MUS81: variants seen among roughly 807,000 people sequenced by gnomAD.
The protein encoded by MUS81 is MUS81 structure-specific endonuclease subunit.
Under a neutral mutation model 74.2 loss-of-function variants are expected in MUS81, and 69 were observed. The ratio of observed to expected loss-of-function variants is 0.93; its 90% CI spans 0.77 to 1.14. The LOEUF is 1.14. MUS81 is among the 50% of genes most tolerant of loss of function. The pLI, the probability that MUS81 is intolerant of heterozygous loss-of-function variation, is 0.00. For synonymous variants in MUS81, 303 were observed against 300.6 expected, an observed-to-expected ratio of 1.01 and a Z score of -0.08; for missense variants, 711 against 726.5, an observed-to-expected ratio of 0.98 and a Z score of 0.25.
At chr11:65,867,188 T>C (rs530742402), downstream of MUS81, 4 of 1,383,944 alleles carry the variant, frequency 2.9e-6, no homozygotes, top group Non-Finnish European at 4.0e-6. Context: ...GGAACAGCCC[T>C]GGCCAGGCTG....
Position 65,861,644 on chromosome 11 carries a change from TA to T in MUS81, c.351+211del, listed in dbSNP as rs1040590285. 9 of 606,660 alleles carry T rather than the reference TA, an allele frequency of 1.5e-5. No homozygotes were observed. In the African/African-American group the frequency reaches 1.7e-4, roughly 11 times the overall value. The allele number at this position is 606,660 out of a possible 1,614,324, so 37.6% of individuals were successfully genotyped here. A position where few individuals can be genotyped will look rare whatever the true frequency, so the allele number is the denominator to read the frequency against. On this transcript the variant is annotated intron_variant, in intron 3 of 15. Transcript: ENST00000308110. ...GAGAGAATTCCATGATCAAGCTACT[TA>T]AGGATCCCAGCTCAGTTAGTTACGG... is the stretch of plus-strand genomic sequence containing the variant.
In MUS81 at chr11:65,860,620, G is replaced by A. The variant is rs879082926; in HGVS notation, c.-134G>A. On this transcript the variant is annotated 5_prime_UTR_variant, in exon 1 of 16. Coordinates refer to ENST00000308110, the MANE Select transcript of MUS81 (RefSeq NM_025128.5). ...GTGCCCCCTGTGTTTGGGGCCCCGT[G>A]ATCTCAACGGTCCTGCCCTCGGTCT... 1.5e-6 allele frequency: 2 copies of A among 1,294,748 alleles called. No individual in the cohort carries two copies. The highest frequency in any genetic ancestry group is 1.1e-6 in the Non-Finnish European group (1 of 936,842). The allele number at this position is 1,294,748 out of a possible 1,614,324, so 80.2% of individuals were successfully genotyped here.
chr11:65,862,633 G>GT lies in MUS81; in HGVS notation c.605+104_605+105insT, dbSNP rs901843328. 1.7e-5 allele frequency: 19 copies of GT among 1,108,728 alleles called. No homozygotes were observed. The Admixed American group carries it at 3.5e-4, about 20-fold the overall frequency. 68.7% of individuals were successfully genotyped at this position (1,108,728 alleles called of 1,614,324 possible). A position where few individuals can be genotyped will look rare whatever the true frequency, so the allele number is the denominator to read the frequency against. On this transcript the variant is annotated intron_variant, in intron 6 of 15. Transcript: ENST00000308110. ...GAGCTGATGCTGTTGAGATTGGGGG[G>GT]GGTGGGCCTTTCCTCAGGAGCCCCC...
In MUS81 at chr11:65,862,055, G is replaced by A. The variant is rs369925196; in HGVS notation, c.450+10G>A. 3.7e-6 allele frequency: 6 copies of A among 1,604,500 alleles called. No individual in the cohort carries two copies. The African/African-American group carries it at 6.7e-5, about 18-fold the overall frequency. Reference sequence around the variant, plus strand: ...CTACCGGGAGCACCTGGTGAGCACTGGGCTACACCGGGAGGCGGAACCATG... The same window carrying A: ...CTACCGGGAGCACCTGGTGAGCACTAGGCTACACCGGGAGGCGGAACCATG... On this transcript the variant is annotated intron_variant, in intron 4 of 15. Coordinates refer to ENST00000308110, the MANE Select transcript of MUS81 (RefSeq NM_025128.5).
At position 65,865,820 on chromosome 11, in the gene MUS81, C is replaced by G. The variant is rs144945350; in HGVS notation, c.1515C>G (p.Ala505=). The part of the protein sequence containing the change: ...DRYSTPASLL[A]AYDACATPKE... ...AACCCCTGCCCCCCAGCCTCCTGGC[C>G]GCCTATGATGCCTGTGCCACCCCCA... Residue 505 remains alanine, a synonymous_variant, in exon 15 of 16, where the codon GCC becomes GCG. Transcript: ENST00000308110. The G allele has an allele frequency of 1.9e-6, 3 of 1,613,820 alleles. No individual in the cohort carries two copies. Among genetic ancestry groups the G allele is most frequent in the Non-Finnish European group, 2.5e-6 (3 of 1,179,998 alleles).
rs778926185 is a variant in MUS81 at position 65,864,564 on chromosome 11, A to G, written c.1127A>G (p.Asn376Ser). 6.2e-7 allele frequency: 1 copy of G among 1,614,108 alleles called. No homozygotes were observed. The highest frequency in any genetic ancestry group is 8.5e-7 in the Non-Finnish European group (1 of 1,180,000). The change falls in exon 11 of 16, where the codon AAC becomes AGC. Residue 376 changes from asparagine (N) to serine (S), a missense_variant. Asn to Ser is a conservative substitution (Grantham distance 46, BLOSUM62 1). Coordinates refer to ENST00000308110, the MANE Select transcript of MUS81 (RefSeq NM_025128.5). ...YLVEEHGSVH[N>S]LSLPESTLLQ... Reference sequence around the variant, plus strand: ...GTGGAAGAGCATGGTTCCGTCCACAACCTCAGCCTTCCTGAGAGCACACTG... The same window carrying G: ...GTGGAAGAGCATGGTTCCGTCCACAGCCTCAGCCTTCCTGAGAGCACACTG...
intron 7 of MUS81, 32 bp downstream of exon 7, chr11:65,863,237 A>T (rs1253344580): frequency 6.3e-7 from 1 of 1,597,784 alleles, no homozygotes; most frequent in East Asian, 2.2e-5. Flanking sequence ...TGGGGAAAAC[A>T]GGGAGGAGGG....
At chr11:65,866,593 C>G, downstream of MUS81, 2 of 702,900 alleles carry the variant, frequency 2.8e-6, no homozygotes, top group East Asian at 5.4e-5. Context: ...GCAAGCCAGC[C>G]AAGTCCAAAT....
chr11:65,863,200 A>C lies in MUS81; in HGVS notation c.741A>C (p.Ala247=). 3 of 1,612,808 alleles carry C rather than the reference A, an allele frequency of 1.9e-6. No homozygotes were observed. Among genetic ancestry groups the C allele is most frequent in the Admixed American group, 1.7e-5 (1 of 59,972 alleles). The change falls in exon 7 of 16, where the codon GCA becomes GCC. Residue 247 remains alanine (A), a synonymous_variant. Transcript: ENST00000308110. The part of the protein sequence containing the change: ...EETAVPGAAS[A]ELASEAGVQQ... ...CAGCAGTGCCAGGAGCAGCTTCAGC[A>C]GAGCTGTGAGGAGGAGGGCAGAGGA...
In MUS81 at chr11:65,863,158, GC is replaced by G; in HGVS notation, c.704del (p.Pro235LeufsTer28). 1 of 1,614,032 alleles carries G rather than the reference GC, an allele frequency of 6.2e-7. No individual in the cohort carries two copies. The highest frequency in any genetic ancestry group is 2.2e-5 in the East Asian group (1 of 44,886). ...LLNVGIGPKEPPGEETAVPGA... is the reference protein window; with the variant it reads ...LLNVGIGPKEXPGEETAVPGA... The stretch of plus-strand genomic sequence containing the variant: ...TGAATGTGGGCATCGGGCCCAAGGA[GC>G]CCCCTGGGGAGGAGACAGCAGTGCC... On this transcript the variant is annotated frameshift_variant, in exon 7 of 16. Transcript: ENST00000308110. LOFTEE classifies it high-confidence loss of function.
chr11:65,864,855 A>T (rs1269982983), intron 12 of MUS81, 40 bp downstream of exon 12: 3 of 1,597,232 alleles, frequency 1.9e-6, no homozygotes, highest in Admixed American at 3.4e-5. Flanking sequence ...GACAGAGCCC[A>T]CAAGGAATTC....
Position 65,862,674 on chromosome 11 carries a change from G to A in MUS81, c.605+145G>A, listed in dbSNP as rs548736040. 5 of 799,612 alleles carry A rather than the reference G, an allele frequency of 6.3e-6. No homozygotes were observed. In the Admixed American group the frequency reaches 1.1e-4, roughly 18 times the overall value. The allele number at this position is 799,612 out of a possible 1,614,324, so 49.5% of individuals were successfully genotyped here. ...AGGAGCCCCCACTGTTGGAATACCT[G>A]GAGGGTGTGAAACCGCAGCAGCGGG... On this transcript the variant is annotated intron_variant, in intron 6 of 15. Transcript: ENST00000308110.
At position 65,860,649 on chromosome 11, in the gene MUS81, T is replaced by C. The variant is rs541395631; in HGVS notation, c.-105T>C. The C allele has an allele frequency of 1.3e-6, 2 of 1,492,042 alleles. No individual in the cohort carries two copies. The highest frequency in any genetic ancestry group is 2.4e-5 in the South Asian group (2 of 82,604). 92.4% of individuals were successfully genotyped at this position (1,492,042 alleles called of 1,614,324 possible). On this transcript the variant is annotated 5_prime_UTR_variant, in exon 1 of 16. Transcript: ENST00000308110. ...TCAACGGTCCTGCCCTCGGTCTCCC[T>C]CTTCCCCCGCCCCGCCCTGGGCCAG...
Position 65,863,682 on chromosome 11 carries a change from T to C in MUS81, c.922T>C (p.Phe308Leu). 1 of 1,613,724 alleles carries C rather than the reference T, an allele frequency of 6.2e-7. No individual in the cohort carries two copies. Among genetic ancestry groups the C allele is most frequent in the Non-Finnish European group, 8.5e-7 (1 of 1,179,912 alleles). The change falls in exon 9 of 16, where the codon TTT (phenylalanine) becomes CTT (leucine). Residue 308 changes from phenylalanine to leucine, a missense_variant. Phe to Leu is a conservative substitution (Grantham distance 22, BLOSUM62 0). Coordinates refer to ENST00000308110, the MANE Select transcript of MUS81 (RefSeq NM_025128.5). ...HTVRKLHVGD[F>L]VWVAQETNPR... ...GGTGCGCAAGCTGCACGTTGGAGAT[T>C]TTGTGTGGGTGGCCCAGGAGACCAA... is the stretch of plus-strand genomic sequence containing the variant.
chr11:65,861,137 C>G lies in MUS81; in HGVS notation c.265+35C>G, dbSNP rs555032829. ...TCGGAAAGGGGTCGGTGATCCCCCA[C>G]CTCCCCCAGGTGGAGCCTCCGTACT... is the stretch of plus-strand genomic sequence containing the variant. On this transcript the variant is annotated intron_variant, in intron 2 of 15. Transcript: ENST00000308110. The G allele has an allele frequency of 8.7e-6, 14 of 1,610,876 alleles. No individual in the cohort carries two copies. The Admixed American group carries it at 2.0e-4, about 23-fold the overall frequency.
Position 65,863,490 on chromosome 11 carries a change from G to T in MUS81, c.827G>T (p.Gly276Val), listed in dbSNP as rs763320107. The T allele has an allele frequency of 3.1e-6, 5 of 1,614,190 alleles. No individual in the cohort carries two copies. In the South Asian group the frequency reaches 5.5e-5, roughly 18 times the overall value. ...EYRVLLCVDI[G>V]ETRGGGHRPE... ...AGGGTGCTGTTGTGTGTGGACATTG[G>T]CGAGACCCGGGGGTGAGTGAGGTGG... Residue 276 changes from glycine (G) to valine (V), a missense_variant, in exon 8 of 16, where the codon GGC becomes GTC. By Grantham distance (109) the Gly-to-Val change is moderately radical. Transcript: ENST00000308110.
At chr11:65,867,396 A>C (rs1859872086), downstream of MUS81, 3 of 489,144 alleles carry the variant, frequency 6.1e-6, no homozygotes, top group Admixed American at 1.0e-4. Flanking sequence ...AAGTGAGCAG[A>C]CTCCCTTCAG....
Position 65,862,286 on chromosome 11 carries a change from A to C in MUS81, c.519+7A>C. 1 of 1,613,692 alleles carries C rather than the reference A, an allele frequency of 6.2e-7. No homozygotes were observed. Among genetic ancestry groups the C allele is most frequent in the Non-Finnish European group, 8.5e-7 (1 of 1,179,928 alleles). On this transcript the variant is annotated splice_region_variant and intron_variant, in intron 5 of 15. Coordinates refer to ENST00000308110, the MANE Select transcript of MUS81 (RefSeq NM_025128.5). ...TGCTCAGAAGTCCCCCAGGGTGAGCACAGGGATCAGGGAGGACAGGCCCAA... is the reference window on the plus strand; with the variant it reads ...TGCTCAGAAGTCCCCCAGGGTGAGCCCAGGGATCAGGGAGGACAGGCCCAA...
intron 10 of MUS81, 74 bp from the exon 11 acceptor site, chr11:65,864,423 G>C (rs1464627262): frequency 1.5e-5 from 20 of 1,337,842 alleles, no homozygotes; most frequent in Non-Finnish European, 2.2e-5. Flanking sequence ...ACCATTTTGA[G>C]TGTGACATCA....
Sources: allele counts gnomAD v4.1 joint callset, GRCh38; gene constraint gnomAD v4.1.1; transcripts MANE v1.5; gene names NCBI Gene and HGNC (gene_info 2026-07-23, HGNC 2026-07-21).